The following PSD2 variants were observed in gnomAD, a reference collection of about 807,000 sequenced individuals.
PSD2 encodes pleckstrin and Sec7 domain containing 2, also known as PH and SEC7 domain-containing protein 2.
Under a neutral mutation model 69.8 loss-of-function variants are expected in PSD2, and 38 were observed. The ratio of observed to expected loss-of-function variants is 0.54; its 90% CI spans 0.42 to 0.71. The LOEUF (loss-of-function observed/expected upper bound fraction) is 0.71, where lower values mean the gene tolerates loss of function less well. Among genes scored for constraint, PSD2 ranks in the 30% least tolerant of loss-of-function variants. The pLI is 0.00. For missense variants in PSD2, 943 were observed against 1,014.5 expected (o/e 0.93, Z 0.96); for synonymous variants, 412 against 423.0 (o/e 0.97, Z 0.32).
chr5:139,829,629 T>G (rs1013377865), intron 7 of PSD2, among the ~76,000 whole-genome samples: 20 of 152,230 alleles, frequency 1.3e-4, no homozygotes, highest in African/African-American at 4.8e-4. Context: ...ATTTAGCATG[T>G]TTTCAAGATT....
At chr5:139,761,206 A>C in the PSD2 span, among the ~76,000 whole-genome samples, 1 of 152,150 alleles carries the variant, frequency 6.6e-6, no homozygotes, top group African/African-American at 2.4e-5. Context: ...CCTCATGACC[A>C]CTTGTGAGTA....
chr5:139,826,729 G>C (rs1428571179), intron 7 of PSD2, among the ~76,000 whole-genome samples: 1 of 152,222 alleles, frequency 6.6e-6, no homozygotes, highest in Non-Finnish European at 1.5e-5. Flanking sequence ...GAGTCAGGCA[G>C]GGTCCAGGGT....
the PSD2 span, among the ~76,000 whole-genome samples, chr5:139,753,272 G>A: frequency 6.6e-6 from 1 of 152,166 alleles, no homozygotes; most frequent in Non-Finnish European, 1.5e-5. Flanking sequence ...CTGCAGGATG[G>A]GTGCTGATTA....
At chr5:139,770,610 C>A in the PSD2 span, among the ~76,000 whole-genome samples, 2 of 152,122 alleles carry the variant, frequency 1.3e-5, no homozygotes, top group African/African-American at 2.4e-5. Context: ...GGCCCAGGAA[C>A]CCTGCTATAG....
At chr5:139,818,268 G>A (rs1032692380) in intron 5 of PSD2, among the ~76,000 whole-genome samples, 1 of 152,184 alleles carries the variant, frequency 6.6e-6, no homozygotes, top group Non-Finnish European at 1.5e-5. Flanking sequence ...TTTCTGGTCA[G>A]GCACAGTGGC....
chr5:139,836,984 A>G lies in PSD2; in HGVS notation c.1577A>G (p.Asp526Gly). 1 of 1,612,800 alleles carries G rather than the reference A, an allele frequency of 6.2e-7. No individual in the cohort carries two copies. The highest frequency in any genetic ancestry group is 8.5e-7 in the Non-Finnish European group (1 of 1,179,216). ...HGVLTRKTHA[D>G]MDGKRTPRGR... ...GTCCTGACCCGGAAGACTCACGCTG[A>G]CATGGATGGCAAGAGGAGTGGGTGT... The change falls in exon 10 of 15, where the codon GAC (aspartate) becomes GGC (glycine). Residue 526 changes from aspartate (D) to glycine (G), a missense_variant. Physicochemically the swap from Asp to Gly is moderately conservative, Grantham distance 94. This residue lies in a region of PSD2 where 312 missense variants were observed against 400.7 expected (regional missense o/e 0.78). Transcript: ENST00000274710.
intron 5 of PSD2, 28 bp from the exon 6 acceptor site, chr5:139,821,865 C>A: frequency 2.1e-6 from 3 of 1,426,488 alleles, no homozygotes; most frequent in South Asian, 1.2e-5. Context: ...ACTCAGACTG[C>A]CCTCAGCAGC....
chr5:139,783,971 G>GTTTTTTTTT, the PSD2 span, among the ~76,000 whole-genome samples: 4 of 98,606 alleles, frequency 4.1e-5, no homozygotes, highest in East Asian at 3.4e-4. Flanking sequence ...TTTAGACAGG[G>GTTTTTTTTT]TCTTGTTCTG....
intron 8 of PSD2, 70 bp from the exon 9 acceptor site, chr5:139,835,653 T>C (rs1267984864): frequency 1.2e-5 from 17 of 1,467,740 alleles, no homozygotes; most frequent in Non-Finnish European, 1.4e-5. Flanking sequence ...GTACCCATGT[T>C]ATTGGTGGTA....
intron 2 of PSD2, 77 bp from the exon 3 acceptor site, chr5:139,813,232 C>A (rs568658892): frequency 7.9e-7 from 1 of 1,260,332 alleles, no homozygotes; most frequent in Non-Finnish European, 1.1e-6. Flanking sequence ...GGCTCCCAGA[C>A]ACAGATGAGT....
At chr5:139,824,308 A>G (rs1760353304) in intron 7 of PSD2, among the ~76,000 whole-genome samples, 1 of 151,872 alleles carries the variant, frequency 6.6e-6, no homozygotes, top group African/African-American at 2.4e-5. Context: ...CTGAAGAGAA[A>G]TGTCAGCACT....
At chr5:139,833,269 C>T (rs981070041) in intron 7 of PSD2, among the ~76,000 whole-genome samples, 1 of 152,036 alleles carries the variant, frequency 6.6e-6, no homozygotes, top group Non-Finnish European at 1.5e-5. Flanking sequence ...CACTTCCTTG[C>T]CTTGTGATCG....
chr5:139,751,706 A>T, the PSD2 span, among the ~76,000 whole-genome samples: 5 of 151,600 alleles, frequency 3.3e-5, no homozygotes, highest in African/African-American at 4.9e-5. Context: ...ATCACCGCCC[A>T]TCATCAGGGA....
At chr5:139,771,923 G>A in the PSD2 span, among the ~76,000 whole-genome samples, 5 of 152,234 alleles carry the variant, frequency 3.3e-5, no homozygotes, top group Non-Finnish European at 7.3e-5. Flanking sequence ...GGCCTGCAGA[G>A]GGGCCTCAGA....
upstream of PSD2, among the ~76,000 whole-genome samples, chr5:139,793,171 G>T (rs1189387451): frequency 6.6e-6 from 1 of 152,068 alleles, no homozygotes; most frequent in Admixed American, 6.6e-5. Context: ...TCGAGCTCTT[G>T]ACCTCAAGTG....
intron 7 of PSD2, among the ~76,000 whole-genome samples, chr5:139,831,001 G>A (rs942333417): frequency 2.6e-5 from 4 of 151,744 alleles, no homozygotes; most frequent in African/African-American, 9.7e-5. Flanking sequence ...TTGTCTGCTT[G>A]TTCTTCCTGT....
the PSD2 span, among the ~76,000 whole-genome samples, chr5:139,772,317 A>C: frequency 6.6e-6 from 1 of 152,130 alleles, no homozygotes; most frequent in African/African-American, 2.4e-5. Flanking sequence ...GCTAATGACT[A>C]TACCTGCCCC....
the PSD2 span, chr5:139,772,430 T>C: frequency 6.6e-6 from 1 of 152,386 alleles, no homozygotes; most frequent in South Asian, 2.1e-4. Context: ...TCCCCTGCTG[T>C]GAAGAGGAGG....
At chr5:139,795,381 C>T (rs1759492960), upstream of PSD2, among the ~76,000 whole-genome samples, 1 of 152,040 alleles carries the variant, frequency 6.6e-6, no homozygotes, top group Admixed American at 6.5e-5. This position sits in a 1 kb window ranked among gnomAD's most constrained non-coding sequence, Gnocchi z 4.5. Flanking sequence ...ACTCCCTGAA[C>T]AGACCGCGGG....
Sources: gnomAD v4.1 joint callset for allele counts (sites outside exome capture counted in the v4.1 genomes callset) on GRCh38, gnomAD v4.1.1 for gene constraint, gnomAD v4.1.1 regional missense constraint, Gnocchi (gnomAD v3.1) non-coding constraint, MANE v1.5 for transcripts, NCBI Gene and HGNC (gene_info 2026-07-23, HGNC 2026-07-21) for gene names.